Variants in EML5 observed in about 807,000 individuals in gnomAD.
EML5 encodes echinoderm microtubule-associated protein-like 5.
EML5 carries 120 observed loss-of-function variants against 250.0 expected under a neutral mutation model. That is an observed-to-expected ratio of 0.48 (90% CI 0.41 to 0.56). EML5 has a LOEUF of 0.56. EML5 is among the 20% of genes least tolerant of loss of function. The pLI is 0.00. For synonymous variants in EML5, 771 were observed against 806.5 expected, an observed-to-expected ratio of 0.96 and a Z score of 0.75; for missense variants, 2,006 against 2,437.6, an observed-to-expected ratio of 0.82 and a Z score of 3.73.
At chr14:88,664,353 T>TA in intron 23 of EML5, 140 bp downstream of exon 23, 1 of 663,164 alleles carries the variant, frequency 1.5e-6, no homozygotes, top group Non-Finnish European at 2.3e-6. Context: ...TGTAAAATAG[T>TA]AAAAAATAAT....
Position 88,622,718 on chromosome 14 carries a change from C to T in EML5, c.4899G>A (p.Pro1633=). 1 of 1,600,090 alleles carries T rather than the reference C, an allele frequency of 6.2e-7. No individual in the cohort carries two copies. Among genetic ancestry groups the T allele is most frequent in the Non-Finnish European group, 8.5e-7 (1 of 1,173,042 alleles). The change falls in exon 37 of 44, where the codon CCG becomes CCA. Residue 1633 remains proline (P), a splice_region_variant and synonymous_variant. Transcript: ENST00000554922. ...GLIVTGGKER[P]SKEGGAVKLW... is the part of the protein sequence containing the mutation. ...GTTTAACCGCTCCTCCTTCTTTTGA[C>T]CTAAGTAAATAACCAAGCCAGAGTA...
In EML5 at chr14:88,740,585, T is replaced by C. The variant is rs377659428; in HGVS notation, c.526-13A>G. On this transcript the variant is annotated splice_polypyrimidine_tract_variant and intron_variant, in intron 4 of 43. Coordinates refer to ENST00000554922, the MANE Select transcript of EML5 (RefSeq NM_183387.3). Reference sequence around the variant, plus strand: ...ATAAACTCCAGAACTAAAAGGTATATAGTATAATCAAATTACCAAAGAATT... The same window carrying C: ...ATAAACTCCAGAACTAAAAGGTATACAGTATAATCAAATTACCAAAGAATT... 128 of 1,545,006 alleles carry C rather than the reference T, an allele frequency of 8.3e-5. 1 individual carries two copies. Among genetic ancestry groups the C allele is most frequent in the East Asian group, 3.2e-4 (14 of 44,270 alleles).
chr14:88,694,559 C>T (rs2093032724), intron 16 of EML5, among the ~76,000 whole-genome samples, 152 bp from the exon 17 acceptor site: 1 of 152,110 alleles, frequency 6.6e-6, no homozygotes, highest in Non-Finnish European at 1.5e-5. Context: ...GTTCTTTTGT[C>T]ATCATTTTAA....
intron 14 of EML5, among the ~76,000 whole-genome samples, chr14:88,697,263 C>A (rs1053543703): frequency 2.0e-5 from 3 of 151,984 alleles, no homozygotes; most frequent in Admixed American, 6.5e-5. Context: ...ATACAACGAG[C>A]AATAAGACAT....
chr14:88,710,474 T>C (rs994619111), intron 10 of EML5, among the ~76,000 whole-genome samples: 1 of 152,190 alleles, frequency 6.6e-6, no homozygotes, highest in Non-Finnish European at 1.5e-5. Context: ...GGACTAGCAA[T>C]GCAACTTAAT....
chr14:88,703,660 G>A (rs766358436), intron 13 of EML5, among the ~76,000 whole-genome samples: 15 of 152,260 alleles, frequency 9.9e-5, no homozygotes, highest in Middle Eastern at 3.4e-3. Context: ...GTAAGAAAAC[G>A]AATGCTGGGT....
chr14:88,723,851 G>A (rs2093626294), intron 8 of EML5, among the ~76,000 whole-genome samples: 1 of 152,146 alleles, frequency 6.6e-6, no homozygotes, highest in Non-Finnish European at 1.5e-5. Context: ...TAAGTTTTAA[G>A]AAGATATTGT....
intron 4 of EML5, among the ~76,000 whole-genome samples, chr14:88,741,114 G>A (rs1427201577): frequency 6.6e-6 from 1 of 152,074 alleles, no homozygotes; most frequent in African/African-American, 2.4e-5. Context: ...AGTGAGCCAA[G>A]AGTGTACCAC....
chr14:88,619,918 G>C (rs1448646371), intron 39 of EML5: 1 of 152,310 alleles, frequency 6.6e-6, no homozygotes. Flanking sequence ...GCCTGCCTCG[G>C]CCTCCCAAAG....
intron 1 of EML5, among the ~76,000 whole-genome samples, chr14:88,773,975 T>C (rs2094421938): frequency 6.6e-6 from 1 of 151,954 alleles, no homozygotes; most frequent in Non-Finnish European, 1.5e-5. Context: ...AAAAATTAGC[T>C]TGGTGTGGTG....
intron 14 of EML5, among the ~76,000 whole-genome samples, chr14:88,697,860 C>T (rs1230799966): frequency 2.0e-5 from 3 of 152,116 alleles, no homozygotes; most frequent in African/African-American, 4.8e-5. Context: ...CTCAGCCTCC[C>T]AAGTAGCTGG....
Position 88,644,440 on chromosome 14 carries a change from G to A in EML5, c.4100C>T (p.Pro1367Leu). ...QTNNVGKKKR[P>L]IEDLVLELIF... ...AGAGTGAGTTTTCCTTACCTCTATAGGTCTCTTTTTCTTGCCTACATTGTT... is the reference window on the plus strand; with the variant it reads ...AGAGTGAGTTTTCCTTACCTCTATAAGTCTCTTTTTCTTGCCTACATTGTT... The change falls in exon 30 of 44, where the codon CCT becomes CTT. Residue 1367 changes from proline to leucine, a missense_variant. This residue lies in a region of EML5 where 1,375 missense variants were observed against 1,590.3 expected (regional missense o/e 0.86). Transcript: ENST00000554922. The A allele has an allele frequency of 1.2e-6, 2 of 1,613,674 alleles. No homozygotes were observed. Among genetic ancestry groups the A allele is most frequent in the Non-Finnish European group, 1.7e-6 (2 of 1,179,716 alleles).
chr14:88,726,046 T>C (rs2093661496), intron 8 of EML5, among the ~76,000 whole-genome samples: 3 of 152,192 alleles, frequency 2.0e-5, no homozygotes, highest in South Asian at 2.1e-4. Context: ...AATTTATCTA[T>C]CTATAATTCA....
rs756134753 is a variant in EML5, at chr14:88,616,233, T to A, written c.5806A>T (p.Lys1936Ter). 311 of 1,613,752 alleles carry A rather than the reference T, an allele frequency of 1.9e-4. No homozygotes were observed. The highest frequency in any genetic ancestry group is 2.5e-4 in the Non-Finnish European group (295 of 1,179,758). ...FPCPEKFAKH[K>*]RFLGHSPHVT... ...TGGGGCGAATGACCCAAGAACCTTTTGTGTTTTGCCTAAAAAACAATGACA... is the reference window on the plus strand; with the variant it reads ...TGGGGCGAATGACCCAAGAACCTTTAGTGTTTTGCCTAAAAAACAATGACA... Residue 1936 changes from lysine to a stop codon, truncating the protein, a stop_gained, in exon 43 of 44, where the codon AAA becomes TAA. Transcript: ENST00000554922. LOFTEE classifies it high-confidence loss of function.
At chr14:88,666,900 T>G (rs1423020214) in intron 21 of EML5, among the ~76,000 whole-genome samples, 1 of 152,102 alleles carries the variant, frequency 6.6e-6, no homozygotes, top group African/African-American at 2.4e-5. Context: ...AATGAAGAAA[T>G]CTAAGATGTG....
intron 32 of EML5, among the ~76,000 whole-genome samples, chr14:88,638,533 G>A (rs946409935): frequency 2.0e-5 from 3 of 152,128 alleles, no homozygotes; most frequent in African/African-American, 7.2e-5. Flanking sequence ...TTGCTGACCA[G>A]AAATTCCTGC....
In EML5 at chr14:88,621,167, A is replaced by T; in HGVS notation, c.5148T>A (p.Phe1716Leu). 6.2e-7 allele frequency: 1 copy of T among 1,613,960 alleles called. No homozygotes were observed. The highest frequency in any genetic ancestry group is 8.5e-7 in the Non-Finnish European group (1 of 1,179,866). ...WGLATHPSRD[F>L]FLSAAEDGTV... is the part of the protein sequence containing the mutation. ...TCCCATCTTCTGCAGCAGAAAGGAA[A>T]AAATCCCTGGAAGGATGTGTTGCTA... The change falls in exon 38 of 44, where the codon TTT becomes TTA. Residue 1716 changes from phenylalanine (F) to leucine (L), a missense_variant. Around this residue, in one of 7 missense-constraint regions of EML5, gnomAD observed 405 missense variants for 523.3 expected, o/e 0.77. Coordinates refer to ENST00000554922, the MANE Select transcript of EML5 (RefSeq NM_183387.3).
intron 1 of EML5, among the ~76,000 whole-genome samples, chr14:88,759,703 A>AAAAAAAAT (rs1418456278): frequency 6.7e-5 from 10 of 150,042 alleles, no homozygotes; most frequent in South Asian, 2.1e-4. Context: ...AAAAAAAAAA[A>AAAAAAAAT]ACTGGGGAGA....
intron 8 of EML5, among the ~76,000 whole-genome samples, chr14:88,723,987 T>C (rs2093628401): frequency 6.6e-6 from 1 of 151,984 alleles, no homozygotes; most frequent in Non-Finnish European, 1.5e-5. Context: ...TAATATGTTA[T>C]GAGCCGGGCA....
Sources: gnomAD v4.1 joint callset for allele counts (sites outside exome capture counted in the v4.1 genomes callset) on GRCh38, gnomAD v4.1.1 for gene constraint, gnomAD v4.1.1 regional missense constraint, MANE v1.5 for transcripts, NCBI Gene and HGNC (gene_info 2026-07-23, HGNC 2026-07-21) for gene names.